Variants in DLG2 observed in about 807,000 individuals in gnomAD.
DLG2 encodes discs large MAGUK scaffold protein 2.
In DLG2, 45 loss-of-function variants were observed where a neutral mutation model predicts 132.5. That is an observed-to-expected ratio of 0.34 (90% CI 0.27 to 0.44). The LOEUF (loss-of-function observed/expected upper bound fraction) is 0.44, where lower values mean the gene tolerates loss of function less well. Ranked by LOEUF, DLG2 falls within the 20% of genes least tolerant of loss-of-function variation. DLG2 has a pLI of 1.00. For synonymous variants in DLG2, 424 were observed against 419.6 expected (o/e 1.01, Z -0.13); for missense variants, 1,045 against 1,196.9 (o/e 0.87, Z 1.87).
chr11:85,528,482 T>C lies in DLG2; in HGVS notation c.40+70175A>G, dbSNP rs551112363. On this transcript the variant is annotated intron_variant, in intron 3 of 27. Transcript: ENST00000376104. ...AAATCCAAAATAAAACACAATGAGA[T>C]GTTAAGTTAATGTTAATAATATGAA... is the stretch of plus-strand genomic sequence containing the variant. Among the ~76,000 whole-genome samples, 5 of 152,342 alleles carry C rather than the reference T, an allele frequency of 3.3e-5. No individual in the cohort carries two copies. In the South Asian group the frequency reaches 6.2e-4, roughly 19 times the overall value.
intron 6 of DLG2, among the ~76,000 whole-genome samples, chr11:84,679,655 A>G (rs929148358): frequency 1.3e-5 from 2 of 152,086 alleles, no homozygotes; most frequent in African/African-American, 2.4e-5. Context: ...AGAGTTTACT[A>G]TATGTCAAAG....
chr11:83,851,172 G>A (rs369836108), intron 16 of DLG2, among the ~76,000 whole-genome samples: 23,187 of 87,892 alleles, frequency 0.26, 2,310 homozygotes, highest in African/African-American at 0.4. Flanking sequence ...GTGAGACTCC[G>A]TCTCAAAAAA....
At chr11:85,551,077 A>C (rs1390595752) in intron 3 of DLG2, among the ~76,000 whole-genome samples, 5 of 152,228 alleles carry the variant, frequency 3.3e-5, no homozygotes, top group South Asian at 4.1e-4. Context: ...ATATGAGGTA[A>C]AGGAGGAAGT....
intron 20 of DLG2, among the ~76,000 whole-genome samples, chr11:83,535,612 A>G (rs1449061111): frequency 6.6e-6 from 1 of 151,874 alleles, no homozygotes; most frequent in Non-Finnish European, 1.5e-5. Context: ...CTCACCTACC[A>G]TTTGCTATAG....
chr11:84,386,379 A>G (rs2098770280), intron 7 of DLG2, among the ~76,000 whole-genome samples: 1 of 151,900 alleles, frequency 6.6e-6, no homozygotes, highest in Non-Finnish European at 1.5e-5. Context: ...AGTCCTGTTA[A>G]CTCTGTAACT....
At chr11:83,999,526 A>T (rs2094226070) in intron 11 of DLG2, among the ~76,000 whole-genome samples, 1 of 152,058 alleles carries the variant, frequency 6.6e-6, no homozygotes, top group African/African-American at 2.4e-5. Flanking sequence ...AACTACTGAC[A>T]CTGAATAAGT....
intron 7 of DLG2, among the ~76,000 whole-genome samples, chr11:84,405,806 T>C (rs1309166417): frequency 6.6e-6 from 1 of 152,182 alleles, no homozygotes; most frequent in African/African-American, 2.4e-5. Flanking sequence ...GAAGGTGATA[T>C]ATAAAAACTC....
intron 6 of DLG2, among the ~76,000 whole-genome samples, chr11:84,832,474 T>C (rs1036659122): frequency 2.6e-5 from 4 of 151,484 alleles, no homozygotes; most frequent in African/African-American, 7.3e-5. Context: ...AACTACAACA[T>C]AAAACAGAGA....
In DLG2 at chr11:84,221,724, G is replaced by A. The variant is rs1182194232; in HGVS notation, c.573+29514C>T. Reference sequence around the variant, plus strand: ...TTTCTTTTACGTGAATTGGGAGTTGGGGTTAGCATTACAATTTGAAGGCAA... The same window carrying A: ...TTTCTTTTACGTGAATTGGGAGTTGAGGTTAGCATTACAATTTGAAGGCAA... On this transcript the variant is annotated intron_variant, in intron 8 of 27. Coordinates refer to ENST00000376104, the MANE Select transcript of DLG2 (RefSeq NM_001142699.3). Among the ~76,000 whole-genome samples, 8 of 152,066 alleles carry A rather than the reference G, an allele frequency of 5.3e-5. No homozygotes were observed. The East Asian group carries it at 1.2e-3, about 22-fold the overall frequency.
At chr11:84,064,751 C>T (rs2096645579) in intron 10 of DLG2, among the ~76,000 whole-genome samples, 1 of 151,978 alleles carries the variant, frequency 6.6e-6, no homozygotes, top group Admixed American at 6.6e-5. Context: ...AGTCAAGATG[C>T]TGAAAGTGTT....
intron 12 of DLG2, among the ~76,000 whole-genome samples, chr11:83,970,843 A>G (rs1420447884): frequency 6.6e-6 from 1 of 152,190 alleles, no homozygotes; most frequent in Admixed American, 6.5e-5. Context: ...ACATCTGTGA[A>G]CTGATGAGTT....
intron 11 of DLG2, among the ~76,000 whole-genome samples, chr11:83,992,291 C>G (rs2093765812): frequency 6.6e-6 from 1 of 151,948 alleles, no homozygotes; most frequent in Non-Finnish European, 1.5e-5. Flanking sequence ...CAGAATAGGA[C>G]AAGTATAAAA....
intron 6 of DLG2, among the ~76,000 whole-genome samples, chr11:85,100,887 T>C (rs988813844): frequency 3.3e-5 from 5 of 152,220 alleles, no homozygotes; most frequent in South Asian, 2.1e-4. Flanking sequence ...ATTAAGGTTA[T>C]TGGAGCATTA....
chr11:84,104,371 G>T (rs1479571487), intron 9 of DLG2, among the ~76,000 whole-genome samples: 1 of 151,916 alleles, frequency 6.6e-6, no homozygotes, highest in African/African-American at 2.4e-5. Context: ...GCTAAACATC[G>T]GGTACACATG....
At chr11:85,594,492 C>G (rs1439718838) in intron 3 of DLG2, among the ~76,000 whole-genome samples, 1 of 152,052 alleles carries the variant, frequency 6.6e-6, no homozygotes, top group Non-Finnish European at 1.5e-5. Context: ...CCCTCACACA[C>G]TGGGAAGAAA....
intron 6 of DLG2, among the ~76,000 whole-genome samples, chr11:84,864,337 C>T (rs1383636850): frequency 2.0e-5 from 3 of 152,158 alleles, no homozygotes; most frequent in African/African-American, 7.2e-5. Flanking sequence ...AAAAAGTAAA[C>T]TCTGTCCTCA....
intron 4 of DLG2, among the ~76,000 whole-genome samples, chr11:85,271,020 G>A (rs1319653480): frequency 2.6e-5 from 4 of 152,208 alleles, no homozygotes; most frequent in African/African-American, 9.6e-5. Flanking sequence ...GGAGCTAAAT[G>A]TTAATCACCA....
At chr11:84,829,428 C>T (rs1323678269) in intron 6 of DLG2, among the ~76,000 whole-genome samples, 1 of 151,592 alleles carries the variant, frequency 6.6e-6, no homozygotes, top group Non-Finnish European at 1.5e-5. Context: ...GAGATGTATA[C>T]TTTTGTGGTT....
chr11:83,528,738 C>A (rs1026079534), intron 21 of DLG2, among the ~76,000 whole-genome samples: 3 of 152,114 alleles, frequency 2.0e-5, no homozygotes, highest in African/African-American at 7.2e-5. Flanking sequence ...GAGGCTCAGG[C>A]TCCTGATTTT....
Sources: allele counts gnomAD v4.1 joint callset (sites outside exome capture counted in the v4.1 genomes callset), GRCh38; gene constraint gnomAD v4.1.1; transcripts MANE v1.5; gene names NCBI Gene and HGNC (gene_info 2026-07-23, HGNC 2026-07-21).